DGKB: variants seen among roughly 807,000 people sequenced by gnomAD.
DGKB encodes the protein 90 kDa diacylglycerol kinase.
DGKB carries 67 observed loss-of-function variants against 114.3 expected under a neutral mutation model. The observed-to-expected ratio is 0.59, with a 90% CI of 0.48 to 0.72. DGKB has a LOEUF of 0.72. Among genes scored for constraint, DGKB ranks in the 30% least tolerant of loss-of-function variants. The pLI is 0.00. For synonymous variants in DGKB, 398 were observed against 323.1 expected (o/e 1.23, Z -2.49); for missense variants, 907 against 975.2 (o/e 0.93, Z 0.93).
chr7:14,262,980 AGGAATCTGAGGACTAAGAT>A (rs1171122583), intron 23 of DGKB, among the ~76,000 whole-genome samples: 1 of 152,018 alleles, frequency 6.6e-6, no homozygotes, highest in Non-Finnish European at 1.5e-5. Flanking sequence ...CTTCCTTGGA[AGGAATCTGAGGACTAAGAT>A]GGGTAGTTAA....
chr7:14,305,093 A>G (rs930194613), intron 23 of DGKB, among the ~76,000 whole-genome samples: 1 of 152,168 alleles, frequency 6.6e-6, no homozygotes, highest in Non-Finnish European at 1.5e-5. Flanking sequence ...GGTAATTGGG[A>G]TATCTGTCAC....
intron 6 of DGKB, among the ~76,000 whole-genome samples, chr7:14,702,487 G>A (rs1045754327): frequency 6.6e-6 from 1 of 152,098 alleles, no homozygotes; most frequent in Non-Finnish European, 1.5e-5. Context: ...AGAACATTGG[G>A]TCTCTGTTAG....
At chr7:14,793,073 C>T (rs1179975698) in intron 2 of DGKB, among the ~76,000 whole-genome samples, 1 of 152,066 alleles carries the variant, frequency 6.6e-6, no homozygotes, top group Non-Finnish European at 1.5e-5. Context: ...ACTGCCCCTA[C>T]CAAACATATG....
At chr7:14,656,845 T>C (rs950329453) in intron 13 of DGKB, among the ~76,000 whole-genome samples, 9 of 151,708 alleles carry the variant, frequency 5.9e-5, no homozygotes, top group Middle Eastern at 3.4e-3. Flanking sequence ...CTCTACCTTA[T>C]GCATTTAGGT....
At position 14,864,528 on chromosome 7, in the gene DGKB, T is replaced by C. The variant is rs761355898; in HGVS notation, c.-187-23078A>G. Among the ~76,000 whole-genome samples the C allele has an allele frequency of 1.1e-4, 17 of 152,202 alleles. 1 individual carries two copies. Among genetic ancestry groups the C allele is most frequent in the Non-Finnish European group, 2.2e-4 (15 of 68,034 alleles). ...ACAGTCTGATTGGAAATAAATGTTA[T>C]GTATGTATTTTGAATATAGAAAGAA... On this transcript the variant is annotated intron_variant, in intron 1 of 25. Transcript: ENST00000402815.
At chr7:14,763,187 G>C (rs1422565660) in intron 2 of DGKB, among the ~76,000 whole-genome samples, 1 of 151,934 alleles carries the variant, frequency 6.6e-6, no homozygotes, top group African/African-American at 2.4e-5. Flanking sequence ...TCCCGCCAAT[G>C]TTGAGTGAAG....
intron 23 of DGKB, among the ~76,000 whole-genome samples, chr7:14,211,296 A>ATTTACTCTCATGTTTTGTGAT (rs1562627011): frequency 3.0e-4 from 36 of 118,536 alleles, no homozygotes; most frequent in African/African-American, 1.1e-3. Context: ...ACTATGTGAT[A>ATTTACTCTCATGTTTTGTGAT]TTTACTCTCA....
At chr7:14,648,219 T>G (rs1377175597) in intron 13 of DGKB, among the ~76,000 whole-genome samples, 1 of 152,198 alleles carries the variant, frequency 6.6e-6, no homozygotes. Flanking sequence ...AAGACAGCAG[T>G]AACCTCTGCA....
Position 14,445,869 on chromosome 7 carries a change from C to T in DGKB, c.1835+32292G>A, listed in dbSNP as rs112583270. 3.9e-5 allele frequency among the ~76,000 whole-genome samples: 6 copies of T among 151,980 alleles called. No homozygotes were observed. In the East Asian group the frequency reaches 7.7e-4, roughly 20 times the overall value. ...TAATTTTGATATTCTGAAACATAGA[C>T]GTAAAGTTGCCTTCCATGAAAGTCT... On this transcript the variant is annotated intron_variant, in intron 21 of 25. Transcript: ENST00000402815.
intron 1 of DGKB, among the ~76,000 whole-genome samples, chr7:14,889,749 A>C (rs919747140): frequency 6.6e-6 from 1 of 151,610 alleles, no homozygotes; most frequent in Admixed American, 6.6e-5. Flanking sequence ...AAAGACATAA[A>C]ATTCCACTCC....
chr7:14,679,620 G>A (rs984445281), intron 12 of DGKB, among the ~76,000 whole-genome samples: 1 of 151,986 alleles, frequency 6.6e-6, no homozygotes, highest in African/African-American at 2.4e-5. Flanking sequence ...CCTTTCTGAA[G>A]CCAGCACTGG....
chr7:14,918,566 A>G (rs1784352167), intron 1 of DGKB, among the ~76,000 whole-genome samples: 2 of 152,204 alleles, frequency 1.3e-5, no homozygotes, highest in South Asian at 4.1e-4. Context: ...AAATATATAC[A>G]GGATGTATAT....
chr7:14,338,725 G>T lies in DGKB; in HGVS notation c.1927-15C>A. ...ACTCCATCACACTGATCGGTAAAAA[G>T]AAAGAAACAGAAACGGAATATTTTA... On this transcript the variant is annotated splice_polypyrimidine_tract_variant and intron_variant, in intron 22 of 25. Transcript: ENST00000402815. The T allele has an allele frequency of 1.5e-6, 2 of 1,370,462 alleles. No individual in the cohort carries two copies. Among genetic ancestry groups the T allele is most frequent in the Non-Finnish European group, 1.9e-6 (2 of 1,036,120 alleles). 84.9% of individuals were successfully genotyped at this position (1,370,462 alleles called of 1,614,324 possible).
At chr7:14,787,429 T>C (rs375206473) in intron 2 of DGKB, among the ~76,000 whole-genome samples, 17 of 152,290 alleles carry the variant, frequency 1.1e-4, no homozygotes, top group Middle Eastern at 6.8e-3. Context: ...TCTTTTATGT[T>C]AATTCCATAA....
intron 1 of DGKB, among the ~76,000 whole-genome samples, chr7:14,862,114 T>A (rs1283039832): frequency 6.6e-6 from 1 of 151,996 alleles, no homozygotes; most frequent in Non-Finnish European, 1.5e-5. Context: ...ATTAATGAAC[T>A]TGAGAATCTT....
chr7:14,278,914 C>A (rs1224495725), intron 23 of DGKB, among the ~76,000 whole-genome samples: 2 of 152,272 alleles, frequency 1.3e-5, no homozygotes, highest in East Asian at 3.9e-4. Flanking sequence ...AGGTCTACAG[C>A]TCCCAGCCTG....
At chr7:14,491,770 T>C (rs1296585821) in intron 20 of DGKB, among the ~76,000 whole-genome samples, 1 of 152,102 alleles carries the variant, frequency 6.6e-6, no homozygotes, top group Non-Finnish European at 1.5e-5. Context: ...ATAACATTTG[T>C]CCTCATTCTT....
At chr7:14,288,645 C>A (rs533281512) in intron 23 of DGKB, among the ~76,000 whole-genome samples, 3 of 152,182 alleles carry the variant, frequency 2.0e-5, no homozygotes, top group African/African-American at 7.2e-5. Flanking sequence ...CCCCTTATTC[C>A]TACTCTTTGC....
At chr7:14,720,647 T>C (rs1829020509) in intron 5 of DGKB, among the ~76,000 whole-genome samples, 1 of 152,112 alleles carries the variant, frequency 6.6e-6, no homozygotes, top group Non-Finnish European at 1.5e-5. Context: ...CCGGCCCCTT[T>C]CTTTTTAAAA....
Sources: allele counts gnomAD v4.1 joint callset (sites outside exome capture counted in the v4.1 genomes callset), GRCh38; gene constraint gnomAD v4.1.1; transcripts MANE v1.5; gene names NCBI Gene and HGNC (gene_info 2026-07-23, HGNC 2026-07-21).